FGD4: variants seen among roughly 807,000 people sequenced by gnomAD.
The protein encoded by FGD4 is FYVE, RhoGEF and PH domain-containing protein 4.
In FGD4, 42 loss-of-function variants were observed where a neutral mutation model predicts 102.0. The observed-to-expected ratio is 0.41, with a 90% CI of 0.32 to 0.53. The LOEUF is 0.53. FGD4 is among the 20% of genes least tolerant of loss of function. FGD4 has a pLI of 0.21. For synonymous variants in FGD4, 380 were observed against 375.7 expected, an observed-to-expected ratio of 1.01 and a Z score of -0.13; for missense variants, 902 against 1,078.2, an observed-to-expected ratio of 0.84 and a Z score of 2.29.
At chr12:32,632,522 C>T (rs1592483702) in intron 14 of FGD4, among the ~76,000 whole-genome samples, 1 of 152,094 alleles carries the variant, frequency 6.6e-6, no homozygotes, top group Non-Finnish European at 1.5e-5. Context: ...CCTTTGGGAA[C>T]TATAAGAAGC....
At chr12:32,601,754 G>A (rs1449699641) in intron 6 of FGD4, among the ~76,000 whole-genome samples, 1 of 152,184 alleles carries the variant, frequency 6.6e-6, no homozygotes, top group African/African-American at 2.4e-5. Flanking sequence ...ATAAAGCACA[G>A]GATGTATGTA....
At chr12:32,626,386 G>C (rs1208205781) in intron 14 of FGD4, among the ~76,000 whole-genome samples, 1 of 149,600 alleles carries the variant, frequency 6.7e-6, no homozygotes, top group Non-Finnish European at 1.5e-5. Context: ...GGAGGTTGCA[G>C]TGAGCTGAGA....
At chr12:32,552,365 T>G (rs1334665489) in intron 1 of FGD4, among the ~76,000 whole-genome samples, 1 of 151,960 alleles carries the variant, frequency 6.6e-6, no homozygotes. Context: ...GTTCAAGCGA[T>G]TCTCCTGCTT....
chr12:32,444,798 ATTTC>A (rs1942564167), intron 1 of FGD4, among the ~76,000 whole-genome samples: 1 of 152,186 alleles, frequency 6.6e-6, no homozygotes, highest in African/African-American at 2.4e-5. Flanking sequence ...ATGGGTGGGT[ATTTC>A]TTCAGAATTC....
At chr12:32,455,328 C>G (rs374400575) in intron 1 of FGD4, among the ~76,000 whole-genome samples, 53 of 152,060 alleles carry the variant, frequency 3.5e-4, no homozygotes, top group Middle Eastern at 3.4e-3. Context: ...ATATTTAGAG[C>G]CTTTTTAGAC....
intron 1 of FGD4, among the ~76,000 whole-genome samples, chr12:32,538,808 C>T (rs972295197): frequency 2.0e-5 from 3 of 152,118 alleles, no homozygotes; most frequent in African/African-American, 4.8e-5. Context: ...AATCCCAGCA[C>T]TTTGGGAGGC....
At chr12:32,634,571 G>A (rs1186504588) in intron 15 of FGD4, among the ~76,000 whole-genome samples, 1 of 151,998 alleles carries the variant, frequency 6.6e-6, no homozygotes, top group Non-Finnish European at 1.5e-5. Context: ...AACAATATAA[G>A]GGACAGGTTA....
chr12:32,604,462 A>G (rs1434664022), intron 7 of FGD4, among the ~76,000 whole-genome samples: 2 of 152,154 alleles, frequency 1.3e-5, no homozygotes, highest in Admixed American at 6.5e-5. Flanking sequence ...TTCAGATTGT[A>G]TAATTTCTAC....
At chr12:32,530,492 T>C (rs1489597752) in intron 1 of FGD4, among the ~76,000 whole-genome samples, 1 of 152,006 alleles carries the variant, frequency 6.6e-6, no homozygotes, top group African/African-American at 2.4e-5. Context: ...AAAAGAAATA[T>C]CACGTGAATG....
At chr12:32,453,239 T>TATATATATATA (rs1398906599) in intron 1 of FGD4, among the ~76,000 whole-genome samples, 4 of 48,174 alleles carry the variant, frequency 8.3e-5, no homozygotes, top group Admixed American at 6.1e-4. Flanking sequence ...ATATATATAT[T>TATATATATATA]TTTTTTTTTT....
At chr12:32,603,017 A>C (rs1948525788) in intron 7 of FGD4, among the ~76,000 whole-genome samples, 1 of 152,118 alleles carries the variant, frequency 6.6e-6, no homozygotes, top group South Asian at 2.1e-4. Flanking sequence ...AATTTTTCAC[A>C]ATGTACTTCA....
intron 1 of FGD4, among the ~76,000 whole-genome samples, chr12:32,435,832 A>T (rs1282331120): frequency 6.6e-6 from 1 of 152,192 alleles, no homozygotes; most frequent in Non-Finnish European, 1.5e-5. Flanking sequence ...AATTCATTCA[A>T]ATAAAAAGAT....
intron 4 of FGD4, among the ~76,000 whole-genome samples, chr12:32,592,446 TATTAA>T (rs1317062937): frequency 6.6e-6 from 1 of 152,086 alleles, no homozygotes; most frequent in African/African-American, 2.4e-5. Flanking sequence ...TGGGATTATA[TATTAA>T]ATTAATAGTG....
intron 1 of FGD4, among the ~76,000 whole-genome samples, chr12:32,410,931 CTTT>C (rs747780109): frequency 2.4e-5 from 3 of 126,894 alleles, no homozygotes; most frequent in Admixed American, 7.8e-5. Flanking sequence ...TTTTTTTTTT[CTTT>C]TTTTTTTTTT....
intron 10 of FGD4, among the ~76,000 whole-genome samples, chr12:32,616,549 T>C (rs547056720): frequency 3.9e-4 from 59 of 152,352 alleles, no homozygotes; most frequent in African/African-American, 1.2e-3. Context: ...GCCTTGCCAG[T>C]GCACATTTAT....
chr12:32,454,925 T>C lies in FGD4; in HGVS notation c.166+54966T>C, dbSNP rs1284595948. Among the ~76,000 whole-genome samples the C allele has an allele frequency of 2.0e-5, 3 of 152,316 alleles. No homozygotes were observed. In the South Asian group the frequency reaches 6.2e-4, roughly 32 times the overall value. On this transcript the variant is annotated intron_variant, in intron 1 of 16. Transcript: ENST00000534526. ...TTAAAGTGTTTTTTGAAACATCTGG[T>C]GATCTAAATACAGTTTGGGGGAGCT...
At chr12:32,491,580 T>C (rs895377063) in intron 1 of FGD4, among the ~76,000 whole-genome samples, 1 of 152,212 alleles carries the variant, frequency 6.6e-6, no homozygotes, top group Non-Finnish European at 1.5e-5. Flanking sequence ...TTTCAGAAAA[T>C]GTATATTCCT....
chr12:32,522,352 G>GC (rs1565798545), intron 1 of FGD4, among the ~76,000 whole-genome samples: 1 of 152,078 alleles, frequency 6.6e-6, no homozygotes, highest in Non-Finnish European at 1.5e-5. Context: ...TCTGAATTTG[G>GC]CCTTTAAGAA....
chr12:32,602,558 T>C (rs1365826466), intron 7 of FGD4, among the ~76,000 whole-genome samples: 1 of 152,216 alleles, frequency 6.6e-6, no homozygotes, highest in Non-Finnish European at 1.5e-5. Flanking sequence ...TATTAGGGTC[T>C]ACATAAATTT....
Sources: allele counts gnomAD v4.1 joint callset (sites outside exome capture counted in the v4.1 genomes callset), GRCh38; gene constraint gnomAD v4.1.1; transcripts MANE v1.5; gene names NCBI Gene and HGNC (gene_info 2026-07-23, HGNC 2026-07-21).